Variants in BCL9L observed in about 807,000 individuals in gnomAD.
The protein encoded by BCL9L is BCL9 like.
Under a neutral mutation model 99.4 loss-of-function variants are expected in BCL9L, and 19 were observed. The ratio of observed to expected loss-of-function variants is 0.19; its 90% CI spans 0.13 to 0.28. The LOEUF is 0.28. Ranked by LOEUF, BCL9L falls within the 10% of genes least tolerant of loss-of-function variation. The probability of loss-of-function intolerance (pLI) is 1.00; values close to 1 mark genes in which losing one functional copy is unlikely to be tolerated. For synonymous variants in BCL9L, 900 were observed against 854.8 expected, an observed-to-expected ratio of 1.05 and a Z score of -0.92; for missense variants, 2,023 against 2,101.6, an observed-to-expected ratio of 0.96 and a Z score of 0.73.
At chr11:118,917,634 C>T (rs918859951) in intron 2 of BCL9L, among the ~76,000 whole-genome samples, 14 of 152,142 alleles carry the variant, frequency 9.2e-5, no homozygotes, top group African/African-American at 3.4e-4. Context: ...CTCCTCACAT[C>T]CTCCCTCCAT....
At chr11:118,911,061 A>G (rs920577421) in intron 2 of BCL9L, among the ~76,000 whole-genome samples, 2 of 152,188 alleles carry the variant, frequency 1.3e-5, no homozygotes, top group African/African-American at 4.8e-5. Flanking sequence ...GGCCGGCCAC[A>G]AGAGAGCCGA....
chr11:118,898,306 C>CCCCCCCCCCCCCCCCCCCCCA lies in BCL9L; in HGVS notation c.*108_*109insTGGGGGGGGGGGGGGGGGGGG. 1 of 471,596 alleles carries CCCCCCCCCCCCCCCCCCCCCA rather than the reference C, an allele frequency of 2.1e-6. No homozygotes were observed. Among genetic ancestry groups the CCCCCCCCCCCCCCCCCCCCCA allele is most frequent in the East Asian group, 4.9e-5 (1 of 20,470 alleles). The allele number at this position is 471,596 out of a possible 1,614,324, so 29.2% of individuals were successfully genotyped here. A position where few individuals can be genotyped will look rare whatever the true frequency, so the allele number is the denominator to read the frequency against. ...ACTCCCTACACAAGCCCCCTCCCAC[C>CCCCCCCCCCCCCCCCCCCCCA]CCCTCCACCCCACCCCGCGACCCAG... is the stretch of plus-strand genomic sequence containing the variant. On this transcript the variant is annotated 3_prime_UTR_variant, in exon 10 of 10. Coordinates refer to ENST00000683865, the MANE Select transcript of BCL9L (RefSeq NM_001378213.1).
intron 3 of BCL9L, among the ~76,000 whole-genome samples, chr11:118,908,894 C>A (rs1940654153): frequency 6.6e-6 from 1 of 152,162 alleles, no homozygotes; most frequent in South Asian, 2.1e-4. Flanking sequence ...CTAGCCTCCA[C>A]AATTTGAATG....
At chr11:118,923,356 C>G (rs1941197687) in intron 1 of BCL9L, among the ~76,000 whole-genome samples, 1 of 152,214 alleles carries the variant, frequency 6.6e-6, no homozygotes, top group Non-Finnish European at 1.5e-5. Context: ...AGACCCCAGC[C>G]TAGGGCTCCC....
At chr11:118,899,551 G>C in intron 9 of BCL9L, 43 bp from the exon 10 acceptor site, 1 of 1,593,878 alleles carries the variant, frequency 6.3e-7, no homozygotes, top group Non-Finnish European at 8.5e-7. Flanking sequence ...GGTGTGCCCA[G>C]CTCGGGGAGG....
chr11:118,913,369 C>T (rs1940867427), intron 2 of BCL9L, among the ~76,000 whole-genome samples: 1 of 152,136 alleles, frequency 6.6e-6, no homozygotes, highest in Non-Finnish European at 1.5e-5. Context: ...CGGTTTTGCC[C>T]ATTCTGGCCC....
chr11:118,903,287 C>A lies in BCL9L; in HGVS notation c.698G>T (p.Gly233Val). The A allele has an allele frequency of 6.3e-7, 1 of 1,579,812 alleles. No homozygotes were observed. Among genetic ancestry groups the A allele is most frequent in the Non-Finnish European group, 8.6e-7 (1 of 1,164,750 alleles). The change falls in exon 6 of 10, where the codon GGA becomes GTA. Residue 233 changes from glycine (G) to valine (V), a missense_variant. Gly to Val is a moderately radical substitution (Grantham distance 109). This residue lies in a region of BCL9L where 1,116 missense variants were observed against 1,194.6 expected (regional missense o/e 0.93). Transcript: ENST00000683865. This position sits in a 1 kb window ranked among gnomAD's most constrained non-coding sequence, Gnocchi z 5.6. ...ATATACGAACTGCGAGGGAGGCTTT[C>A]CGGGGACGCCCCCGCCCCCGCCCCC... ...GGGGGGGGVP[G>V]KPPSQFVYVF...
chr11:118,898,254 C>T lies in BCL9L; in HGVS notation c.*161G>A, dbSNP rs1940005056. Reference sequence around the variant, plus strand: ...CACACTGCCACTTCCCCCTAAGCTGCCAGCACATCTGGTTTCCACAAATGC... The same window carrying T: ...CACACTGCCACTTCCCCCTAAGCTGTCAGCACATCTGGTTTCCACAAATGC... On this transcript the variant is annotated 3_prime_UTR_variant, in exon 10 of 10. Transcript: ENST00000683865. The T allele has an allele frequency of 9.6e-7, 1 of 1,037,616 alleles. No individual in the cohort carries two copies. The highest frequency in any genetic ancestry group is 1.4e-6 in the Non-Finnish European group (1 of 739,620). The allele number at this position is 1,037,616 out of a possible 1,614,324, so 64.3% of individuals were successfully genotyped here.
rs1332075108 is a variant in BCL9L at position 118,900,854 on chromosome 11, G to A, written c.2889C>T (p.Pro963=). The change falls in exon 8 of 10, where the codon CCC becomes CCT. Residue 963 remains proline, a synonymous_variant. Coordinates refer to ENST00000683865, the MANE Select transcript of BCL9L (RefSeq NM_001378213.1). The surrounding 1 kb of genome is among the most constrained non-coding windows in gnomAD (Gnocchi z 5.3). ...KSPQTPSQMV[P]LPSANPPGPL... ...GTCCTGGCGGGTTGGCAGAAGGCAA[G>A]GGCACCATCTGTGAGGGAGTCTGGG... The A allele has an allele frequency of 6.2e-7, 1 of 1,612,168 alleles. No individual in the cohort carries two copies. The highest frequency in any genetic ancestry group is 8.5e-7 in the Non-Finnish European group (1 of 1,178,680).
chr11:118,899,460 G>A lies in BCL9L; in HGVS notation c.3455C>T (p.Ala1152Val), dbSNP rs1253054906. The A allele has an allele frequency of 6.2e-7, 1 of 1,607,588 alleles. No individual in the cohort carries two copies. The highest frequency in any genetic ancestry group is 8.5e-7 in the Non-Finnish European group (1 of 1,178,466). ...CAGGTTCATGCCCATAGGGCTCTGG[G>A]CAGCGGCTGAGTTCAGGTGCATCTG... ...PSQMHLNSAA[A>V]QSPMGMNLPG... is the part of the protein sequence containing the mutation. Residue 1152 changes from alanine to valine, a missense_variant, in exon 10 of 10, where the codon GCC becomes GTC. By Grantham distance (64) the Ala-to-Val change is moderately conservative (BLOSUM62 0). This residue lies in a region of BCL9L where 902 missense variants were observed against 888.2 expected (regional missense o/e 1.02). Transcript: ENST00000683865.
chr11:118,920,985 G>A (rs187307926), intron 1 of BCL9L, among the ~76,000 whole-genome samples: 4 of 152,264 alleles, frequency 2.6e-5, no homozygotes, highest in Admixed American at 6.5e-5. Context: ...GCCCGCACAC[G>A]CACATACACG....
At chr11:118,904,088 A>G (rs1051470821) in intron 5 of BCL9L, among the ~76,000 whole-genome samples, 6 of 152,248 alleles carry the variant, frequency 3.9e-5, no homozygotes, top group African/African-American at 1.4e-4. Flanking sequence ...GGGCAGGCCA[A>G]AGAAATATAT....
chr11:118,911,350 G>A (rs1359887300), intron 2 of BCL9L: 3 of 441,092 alleles, frequency 6.8e-6, no homozygotes, highest in Non-Finnish European at 1.4e-5. Context: ...GGACCTGGGG[G>A]TGAGGGGGCC....
At chr11:118,912,965 C>G (rs908220991) in intron 2 of BCL9L, among the ~76,000 whole-genome samples, 1 of 152,068 alleles carries the variant, frequency 6.6e-6, no homozygotes, top group African/African-American at 2.4e-5. Flanking sequence ...CCCCTCAGTC[C>G]TCAGAAGCTC....
chr11:118,901,786 C>A lies in BCL9L; in HGVS notation c.1957G>T (p.Ala653Ser). 1 of 1,611,038 alleles carries A rather than the reference C, an allele frequency of 6.2e-7. No homozygotes were observed. The highest frequency in any genetic ancestry group is 1.1e-5 in the South Asian group (1 of 90,970). ...LPPMGGPSNFAQNTMPYPGGQ... is the reference protein window; with the variant it reads ...LPPMGGPSNFSQNTMPYPGGQ... ...CCTGGGTAGGGCATGGTGTTCTGGG[C>A]AAAATTGCTGGGTCCCCCCATAGGG... Residue 653 changes from alanine (A) to serine (S), a missense_variant, in exon 8 of 10, where the codon GCC becomes TCC. Transcript: ENST00000683865. This position sits in a 1 kb window ranked among gnomAD's most constrained non-coding sequence, Gnocchi z 6.6.
Position 118,900,498 on chromosome 11 carries a change from G to T in BCL9L, c.3124+121C>A. On this transcript the variant is annotated intron_variant, in intron 8 of 9. Transcript: ENST00000683865. The surrounding 1 kb of genome is among the most constrained non-coding windows in gnomAD (Gnocchi z 5.3). ...TGTCATCATCTGCCCCATAAGCAGAGCCATCCACCTCTGGGCCCGTGGTAC... is the reference window on the plus strand; with the variant it reads ...TGTCATCATCTGCCCCATAAGCAGATCCATCCACCTCTGGGCCCGTGGTAC... 6.9e-7 allele frequency: 1 copy of T among 1,449,088 alleles called. No homozygotes were observed. The highest frequency in any genetic ancestry group is 9.1e-7 in the Non-Finnish European group (1 of 1,103,092). 89.8% of individuals were successfully genotyped at this position (1,449,088 alleles called of 1,614,324 possible).
chr11:118,910,442 G>C, intron 2 of BCL9L: 1 of 159,978 alleles, frequency 6.3e-6, no homozygotes, highest in East Asian at 1.8e-4. Context: ...GCCACGCCCC[G>C]CCCCGTCCCC....
intron 3 of BCL9L, among the ~76,000 whole-genome samples, chr11:118,909,086 G>A (rs1434241585): frequency 1.3e-5 from 2 of 152,216 alleles, no homozygotes; most frequent in Non-Finnish European, 2.9e-5. Context: ...CCCAACACCA[G>A]CAGAGAAGGG....
rs979381192 is a variant in BCL9L, at chr11:118,922,688, GC to G, written c.-131+2549del. ...TTTCCCACGGTGCCATCCCCCTTCT[GC>G]CCCCTCCCCCCATCGGAGGTCAGCA... On this transcript the variant is annotated intron_variant, in intron 1 of 9. Coordinates refer to ENST00000683865, the MANE Select transcript of BCL9L (RefSeq NM_001378213.1). The surrounding 1 kb of genome is among the most constrained non-coding windows in gnomAD (Gnocchi z 6.2). 1.3e-5 allele frequency among the ~76,000 whole-genome samples: 2 copies of G among 151,888 alleles called. No homozygotes were observed. Among genetic ancestry groups the G allele is most frequent in the African/African-American group, 4.8e-5 (2 of 41,318 alleles).
Sources: gnomAD v4.1 joint callset for allele counts (sites outside exome capture counted in the v4.1 genomes callset) on GRCh38, gnomAD v4.1.1 for gene constraint, gnomAD v4.1.1 regional missense constraint, Gnocchi (gnomAD v3.1) non-coding constraint, MANE v1.5 for transcripts, NCBI Gene and HGNC (gene_info 2026-07-23, HGNC 2026-07-21) for gene names.